The following ANKRD31 variants were observed in gnomAD, a reference collection of about 807,000 sequenced individuals.
The protein encoded by ANKRD31 is ankyrin repeat domain 31.
A neutral mutation model predicts 186.0 loss-of-function variants in ANKRD31; 147 were observed. The observed-to-expected ratio is 0.79, with a 90% CI of 0.69 to 0.91. The LOEUF is 0.91. Ranked by LOEUF, ANKRD31 falls within the 40% of genes least tolerant of loss-of-function variation. The pLI is 0.00. For missense variants in ANKRD31, 1,986 were observed against 2,148.8 expected, an observed-to-expected ratio of 0.92 and a Z score of 1.50; for synonymous variants, 673 against 736.4, an observed-to-expected ratio of 0.91 and a Z score of 1.39.
At chr5:75,134,530 C>T (rs1399560645) in intron 17 of ANKRD31, among the ~76,000 whole-genome samples, 4 of 152,068 alleles carry the variant, frequency 2.6e-5, no homozygotes, top group Non-Finnish European at 5.9e-5. Flanking sequence ...TAATAGCCTA[C>T]CAACCAAAAA....
chr5:75,087,528 GA>G (rs1271377709), intron 23 of ANKRD31, among the ~76,000 whole-genome samples: 1 of 151,730 alleles, frequency 6.6e-6, no homozygotes, highest in Non-Finnish European at 1.5e-5. Context: ...AAAAAAGAAA[GA>G]AAAGAAATCT....
rs777944899 is a variant in ANKRD31 at position 75,146,158 on chromosome 5, C to T, written c.3253G>A (p.Ala1085Thr). The T allele has an allele frequency of 2.0e-6, 3 of 1,535,818 alleles. No individual in the cohort carries two copies. In the South Asian group the frequency reaches 3.6e-5, roughly 18 times the overall value. ...IYSNEPLSIV[A>T]HSQVIETTKV... Reference sequence around the variant, plus strand: ...GTTGTTTCTATTACTTGAGAATGAGCAACTATGGATAAAGGCTCATTTGAA... The same window carrying T: ...GTTGTTTCTATTACTTGAGAATGAGTAACTATGGATAAAGGCTCATTTGAA... The change falls in exon 14 of 26, where the codon GCT becomes ACT. Residue 1085 changes from alanine (A) to threonine (T), a missense_variant. Transcript: ENST00000506364.
At chr5:75,116,521 G>A in intron 19 of ANKRD31, 45 bp downstream of exon 19, 2 of 1,219,934 alleles carry the variant, frequency 1.6e-6, no homozygotes, top group Non-Finnish European at 2.1e-6. Flanking sequence ...CTCAAAGAAT[G>A]GCATTTTCTA....
chr5:75,221,511 C>A (rs1561547612), intron 3 of ANKRD31, among the ~76,000 whole-genome samples: 1 of 152,118 alleles, frequency 6.6e-6, no homozygotes, highest in Non-Finnish European at 1.5e-5. Flanking sequence ...AGATGAAAAT[C>A]ATAATTATTA....
intron 21 of ANKRD31, among the ~76,000 whole-genome samples, chr5:75,105,423 C>T (rs1357236525): frequency 6.6e-6 from 1 of 152,108 alleles, no homozygotes; most frequent in African/African-American, 2.4e-5. Flanking sequence ...TGAGAGGAAG[C>T]TGATTCCTTT....
At chr5:75,071,980 C>T (rs1744270320) in intron 25 of ANKRD31, among the ~76,000 whole-genome samples, 1 of 152,130 alleles carries the variant, frequency 6.6e-6, no homozygotes, top group Non-Finnish European at 1.5e-5. Context: ...AGTCTTTACT[C>T]CTTCATAGCC....
intron 12 of ANKRD31, 70 bp from the exon 13 acceptor site, chr5:75,148,698 C>T: frequency 2.6e-6 from 3 of 1,171,798 alleles, no homozygotes; most frequent in Non-Finnish European, 2.3e-6. Context: ...TAAAACCCAC[C>T]AGTCCTTTGC....
At chr5:75,082,031 A>C (rs1216968952) in intron 24 of ANKRD31, among the ~76,000 whole-genome samples, 2 of 152,186 alleles carry the variant, frequency 1.3e-5, no homozygotes. Context: ...AACTCTTTTC[A>C]ATTTCTTAAG....
chr5:75,202,746 C>T (rs988767643), intron 5 of ANKRD31, among the ~76,000 whole-genome samples: 2 of 152,098 alleles, frequency 1.3e-5, no homozygotes, highest in African/African-American at 2.4e-5. Flanking sequence ...TTTACTTGTA[C>T]GTGATTTAAC....
At chr5:75,166,244 C>T (rs1009442501) in intron 11 of ANKRD31, among the ~76,000 whole-genome samples, 5 of 152,044 alleles carry the variant, frequency 3.3e-5, no homozygotes, top group Non-Finnish European at 5.9e-5. Flanking sequence ...CCTAGGCGGG[C>T]GGATCACTTG....
rs572492636 is a variant in ANKRD31 at position 75,099,251 on chromosome 5, T to A, written c.5331+4977A>T. On this transcript the variant is annotated intron_variant, in intron 22 of 25. Transcript: ENST00000506364. ...ATTACATTTATTGATTTGCGTATGT[T>A]GAACCAGCCTTGCATCCCAGGGATG... is the stretch of plus-strand genomic sequence containing the variant. Among the ~76,000 whole-genome samples the A allele has an allele frequency of 5.3e-5, 8 of 152,360 alleles. No homozygotes were observed. In the East Asian group the frequency reaches 1.5e-3, roughly 29 times the overall value.
chr5:75,091,345 A>T lies in ANKRD31; in HGVS notation c.5388T>A (p.Gly1796=). 4 of 1,537,072 alleles carry T rather than the reference A, an allele frequency of 2.6e-6. No homozygotes were observed. The highest frequency in any genetic ancestry group is 1.7e-4 in the Middle Eastern group (1 of 5,990). The change falls in exon 23 of 26, where the codon GGT becomes GGA. Residue 1796 remains glycine, a synonymous_variant. Coordinates refer to ENST00000506364, the MANE Select transcript of ANKRD31 (RefSeq NM_001372053.1). ...AGGTGACTGGGTTTTTATAAATCTG[A>T]CCACTTTCTACCTTAAGTTTACCAT... ...LLNGKLKVES[G]QIYKNPVTWL... is the part of the protein sequence containing the mutation.
chr5:75,138,129 A>T (rs999986518), intron 16 of ANKRD31, 131 bp from the exon 17 acceptor site: 7 of 775,750 alleles, frequency 9.0e-6, no homozygotes, highest in African/African-American at 1.8e-5. Flanking sequence ...CTAAGTATTG[A>T]ACAAGAAATA....
intron 10 of ANKRD31, among the ~76,000 whole-genome samples, chr5:75,184,862 A>G (rs1754590591): frequency 6.6e-6 from 1 of 152,210 alleles, no homozygotes; most frequent in African/African-American, 2.4e-5. Context: ...TACTTGGTAT[A>G]TATCCAAAGG....
rs1048246612 is a variant in ANKRD31 at position 75,194,193 on chromosome 5, G to T, written c.1018-602C>A. 7.2e-5 allele frequency among the ~76,000 whole-genome samples: 11 copies of T among 152,036 alleles called. No individual in the cohort carries two copies. The South Asian group carries it at 2.3e-3, about 31-fold the overall frequency. ...TATCCGTCTTGCAAAGCTTCTCAAG[G>T]TAACAAGCTCCATATTTTTATTACA... On this transcript the variant is annotated intron_variant, in intron 7 of 25. Coordinates refer to ENST00000506364, the MANE Select transcript of ANKRD31 (RefSeq NM_001372053.1).
At chr5:75,159,554 G>T (rs1227537028) in intron 11 of ANKRD31, among the ~76,000 whole-genome samples, 1 of 151,642 alleles carries the variant, frequency 6.6e-6, no homozygotes, top group Non-Finnish European at 1.5e-5. Flanking sequence ...GAAACAATGA[G>T]GTCCAGAGAC....
chr5:75,144,363 T>C (rs1392042402), intron 14 of ANKRD31, among the ~76,000 whole-genome samples, 192 bp from the exon 15 acceptor site: 1 of 152,114 alleles, frequency 6.6e-6, no homozygotes, highest in Non-Finnish European at 1.5e-5. Flanking sequence ...ATATAGTAGA[T>C]AGTTGAAATG....
chr5:75,190,316 T>C (rs754349722), intron 9 of ANKRD31, among the ~76,000 whole-genome samples: 17 of 152,160 alleles, frequency 1.1e-4, no homozygotes, highest in Non-Finnish European at 1.8e-4. Context: ...CCACTGCACG[T>C]GGCCTGTTTA....
chr5:75,165,464 G>C (rs1449630655), intron 11 of ANKRD31, among the ~76,000 whole-genome samples: 1 of 152,038 alleles, frequency 6.6e-6, no homozygotes, highest in Non-Finnish European at 1.5e-5. Flanking sequence ...AAAGACATAC[G>C]AGTAGGTAGA....
Sources: allele counts gnomAD v4.1 joint callset (sites outside exome capture counted in the v4.1 genomes callset), GRCh38; gene constraint gnomAD v4.1.1; transcripts MANE v1.5; gene names NCBI Gene and HGNC (gene_info 2026-07-23, HGNC 2026-07-21).